Variants in SCAMP5 observed in about 807,000 individuals in gnomAD.
The protein encoded by SCAMP5 is secretory carrier-associated membrane protein 5.
In SCAMP5, 7 loss-of-function variants were observed where a neutral mutation model predicts 28.3. The observed-to-expected ratio is 0.25, with a 90% CI of 0.14 to 0.46. The LOEUF (loss-of-function observed/expected upper bound fraction) is 0.46. SCAMP5 is among the 20% of genes least tolerant of loss of function. The pLI is 0.99. For synonymous variants in SCAMP5, 117 were observed against 116.4 expected (o/e 1.00, Z -0.03); for missense variants, 192 against 312.5 (o/e 0.61, Z 2.91).
At chr15:74,997,733 G>T (rs1212047497) in intron 1 of SCAMP5, among the ~76,000 whole-genome samples, 1 of 152,200 alleles carries the variant, frequency 6.6e-6, no homozygotes, top group Non-Finnish European at 1.5e-5. Flanking sequence ...TGGGAGGGAG[G>T]TTTGTAGCTG....
At chr15:75,015,534 G>A (rs375828500) in intron 3 of SCAMP5, among the ~76,000 whole-genome samples, 2 of 152,212 alleles carry the variant, frequency 1.3e-5, no homozygotes, top group South Asian at 2.1e-4. Flanking sequence ...AACCTTGAGA[G>A]CAGCCCAGGT....
chr15:75,003,125 G>A (rs1292713552), intron 1 of SCAMP5, among the ~76,000 whole-genome samples: 1 of 152,136 alleles, frequency 6.6e-6, no homozygotes, highest in African/African-American at 2.4e-5. Flanking sequence ...GTTTCACTGT[G>A]TTGGCCAGGC....
intron 4 of SCAMP5, 104 bp from the exon 5 acceptor site, chr15:75,017,766 C>A: frequency 1.3e-6 from 1 of 785,818 alleles, no homozygotes; most frequent in Non-Finnish European, 2.3e-6. Flanking sequence ...CTTTAAATGT[C>A]TTCTGTCCAT....
At chr15:75,017,533 G>C in intron 4 of SCAMP5, 1 of 527,364 alleles carries the variant, frequency 1.9e-6, no homozygotes, top group Non-Finnish European at 3.3e-6. Context: ...GGAGCTAGCT[G>C]TCTTGGTGTC....
At chr15:75,011,877 A>C (rs1337889233) in intron 2 of SCAMP5, 31 bp downstream of exon 2, 1 of 1,603,420 alleles carries the variant, frequency 6.2e-7, no homozygotes, top group East Asian at 2.2e-5. Context: ...TGTGGGTAGG[A>C]CATGACAGTG....
intron 1 of SCAMP5, chr15:75,011,532 G>A (rs2065811668): frequency 3.5e-6 from 1 of 283,046 alleles, no homozygotes; most frequent in African/African-American, 2.1e-5. Flanking sequence ...TCCCCTCCCA[G>A]GTTCCTTTCC....
rs1446760085 is a variant in SCAMP5, at chr15:75,017,987, G to A, written c.395+16G>A. On this transcript the variant is annotated intron_variant, in intron 5 of 6. Transcript: ENST00000425597. Reference sequence around the variant, plus strand: ...GGGGCGTCTGGTAAGAGGCAGGGGTGTGGCCTGGGGCTGGCAGGGGTGGCG... The same window carrying A: ...GGGGCGTCTGGTAAGAGGCAGGGGTATGGCCTGGGGCTGGCAGGGGTGGCG... 1 of 1,546,004 alleles carries A rather than the reference G, an allele frequency of 6.5e-7. No individual in the cohort carries two copies. Among genetic ancestry groups the A allele is most frequent in the Non-Finnish European group, 8.9e-7 (1 of 1,118,712 alleles).
At chr15:74,999,593 C>CAAAACA (rs763051950) in intron 1 of SCAMP5, among the ~76,000 whole-genome samples, 78 of 151,692 alleles carry the variant, frequency 5.1e-4, no homozygotes, top group Non-Finnish European at 8.4e-4. Flanking sequence ...GACTCCATCT[C>CAAAACA]AAAACAAAAA....
In SCAMP5 at chr15:75,006,810, C is replaced by T. The variant is rs373921394; in HGVS notation, c.-48-4982C>T. Among the ~76,000 whole-genome samples, 6 of 150,680 alleles carry T rather than the reference C, an allele frequency of 4.0e-5. No individual in the cohort carries two copies. In the East Asian group the frequency reaches 9.8e-4, roughly 25 times the overall value. On this transcript the variant is annotated intron_variant, in intron 1 of 6. Transcript: ENST00000425597. ...AAAAACAATTAGCTGGGTGTGGTGGCGGGTGCCTGTAATCCCAGCTACTCG... is the reference window on the plus strand; with the variant it reads ...AAAAACAATTAGCTGGGTGTGGTGGTGGGTGCCTGTAATCCCAGCTACTCG...
In SCAMP5 at chr15:75,017,879, C is replaced by A; in HGVS notation, c.303C>A (p.Ser101Arg). Residue 101 changes from serine to arginine, a missense_variant, in exon 5 of 7, where the codon AGC becomes AGA. Ser to Arg is a moderately radical substitution (Grantham distance 110). Transcript: ENST00000425597. ...ACCTCCTCTGCCGCAGGACTGACAG[C>A]TCCTTCAGTTTCATGGCATTCTTCT... ...RPIYKAFKTDSSFSFMAFFFT... is the reference protein window; with the variant it reads ...RPIYKAFKTDRSFSFMAFFFT... 1 of 1,612,544 alleles carries A rather than the reference C, an allele frequency of 6.2e-7. No homozygotes were observed. Among genetic ancestry groups the A allele is most frequent in the Non-Finnish European group, 8.5e-7 (1 of 1,178,576 alleles).
At chr15:75,001,054 A>G (rs1259043229) in intron 1 of SCAMP5, among the ~76,000 whole-genome samples, 1 of 151,422 alleles carries the variant, frequency 6.6e-6, no homozygotes, top group African/African-American at 2.4e-5. Flanking sequence ...AGGTCAGGAG[A>G]TCGATACTAG....
At chr15:75,004,869 A>T (rs562842761) in intron 1 of SCAMP5, among the ~76,000 whole-genome samples, 16 of 151,924 alleles carry the variant, frequency 1.1e-4, no homozygotes, top group African/African-American at 3.4e-4. Flanking sequence ...TGTCCTTTAT[A>T]GCTGTGATTT....
intron 1 of SCAMP5, chr15:75,010,058 T>A (rs2065797218): frequency 6.6e-6 from 1 of 152,230 alleles, no homozygotes; most frequent in African/African-American, 2.4e-5. Context: ...TGTGGACCAT[T>A]TTCTGCTGTT....
intron 1 of SCAMP5, among the ~76,000 whole-genome samples, chr15:75,008,927 T>C (rs1008000505): frequency 1.3e-5 from 2 of 152,242 alleles, no homozygotes; most frequent in African/African-American, 4.8e-5. Context: ...TGTGTGTTTG[T>C]CATTTCTTAT....
Position 75,019,131 on chromosome 15 carries a change from A to G in SCAMP5, c.*148A>G, listed in dbSNP as rs530076598. ...AAGGACCAGAGTTATATATATATAT[A>G]TATGTATATGTCTGTACCCCAGCCC... On this transcript the variant is annotated 3_prime_UTR_variant, in exon 7 of 7. Transcript: ENST00000425597. The G allele has an allele frequency of 1.5e-4, 72 of 477,848 alleles. No homozygotes were observed. Among genetic ancestry groups the G allele is most frequent in the African/African-American group, 1.2e-3 (59 of 48,782 alleles). 29.6% of individuals were successfully genotyped at this position (477,848 alleles called of 1,614,324 possible).
Position 75,003,742 on chromosome 15 carries a change from C to T in SCAMP5, c.-48-8050C>T, listed in dbSNP as rs149362503. 0.017 allele frequency among the ~76,000 whole-genome samples: 2,639 copies of T among 152,052 alleles called. 138 individuals carry two copies. The East Asian group carries it at 0.21, about 12-fold the overall frequency. On this transcript the variant is annotated intron_variant, in intron 1 of 6. Transcript: ENST00000425597. The stretch of plus-strand genomic sequence containing the variant: ...GGAGGATTGCTTGAGCCCAGGAGTT[C>T]GAGGCTGCAGTGAGCTATGATTGCA...
At chr15:75,007,538 T>A (rs2065771575) in intron 1 of SCAMP5, 1 of 151,784 alleles carries the variant, frequency 6.6e-6, no homozygotes, top group African/African-American at 2.4e-5. Flanking sequence ...CAGGCGCACA[T>A]CACCATGTCC....
chr15:75,008,982 G>A (rs2065786583), intron 1 of SCAMP5, among the ~76,000 whole-genome samples: 1 of 152,126 alleles, frequency 6.6e-6, no homozygotes, highest in Non-Finnish European at 1.5e-5. Context: ...AGGTTAAAAG[G>A]AAAATATATT....
chr15:75,011,749 G>A (rs1306477069), intron 1 of SCAMP5, 43 bp from the exon 2 acceptor site: 10 of 1,126,240 alleles, frequency 8.9e-6, no homozygotes, highest in Middle Eastern at 2.0e-4. Flanking sequence ...TGGGTTGGGT[G>A]TGGCCCTGAT....
Sources: gnomAD v4.1 joint callset for allele counts (sites outside exome capture counted in the v4.1 genomes callset) on GRCh38, gnomAD v4.1.1 for gene constraint, MANE v1.5 for transcripts, NCBI Gene and HGNC (gene_info 2026-07-23, HGNC 2026-07-21) for gene names.